Variants in HPCAL4 observed in about 807,000 individuals in gnomAD.
HPCAL4 encodes hippocalcin like 4, also known as hippocalcin-like protein 4.
HPCAL4 carries 16 observed loss-of-function variants against 18.2 expected under a neutral mutation model. The observed-to-expected ratio is 0.88, with a 90% confidence interval of 0.59 to 1.33. HPCAL4 has a LOEUF of 1.33. Ranked by LOEUF, HPCAL4 falls within the 40% of genes most tolerant of loss-of-function variation. HPCAL4 has a pLI of 0.00. For synonymous variants in HPCAL4, 80 were observed against 97.5 expected, an observed-to-expected ratio of 0.82 and a Z score of 1.06; for missense variants, 214 against 256.6, an observed-to-expected ratio of 0.83 and a Z score of 1.14.
At position 39,682,483 on chromosome 1, in the gene HPCAL4, G is replaced by A. The variant is rs949453209; in HGVS notation, c.*53C>T. 7 of 1,575,960 alleles carry A rather than the reference G, an allele frequency of 4.4e-6. No individual in the cohort carries two copies. In the African/African-American group the frequency reaches 9.4e-5, roughly 21 times the overall value. On this transcript the variant is annotated 3_prime_UTR_variant, in exon 4 of 4. Coordinates refer to ENST00000372844, the MANE Select transcript of HPCAL4 (RefSeq NM_016257.4). ...GGAGGCCAGCCAGAGAGGTCATCAG[G>A]TTGGGAGGTGGCCATGCCCCTTCTG...
intron 3 of HPCAL4, among the ~76,000 whole-genome samples, chr1:39,683,475 T>TAA (rs1304142191): frequency 2.0e-5 from 3 of 152,196 alleles, no homozygotes; most frequent in Non-Finnish European, 4.4e-5. Context: ...CCATCTTATA[T>TAA]AAAGTAACTT....
At position 39,680,803 on chromosome 1, in the gene HPCAL4, C is replaced by A. The variant is rs1279513082; in HGVS notation, c.*1733G>T. The stretch of plus-strand genomic sequence containing the variant: ...TCCAAGGGCCCAGTAGAGCTTGGGA[C>A]CAAGCTCTATTGATCAGCATCCCCC... On this transcript the variant is annotated 3_prime_UTR_variant, in exon 4 of 4. Coordinates refer to ENST00000372844, the MANE Select transcript of HPCAL4 (RefSeq NM_016257.4). 2 of 152,416 alleles carry A rather than the reference C, an allele frequency of 1.3e-5. No individual in the cohort carries two copies. The highest frequency in any genetic ancestry group is 2.9e-5 in the Non-Finnish European group (2 of 68,034). 9.4% of individuals were successfully genotyped at this position (152,416 alleles called of 1,614,324 possible).
At chr1:39,688,894 T>G (rs1232878949) in intron 1 of HPCAL4, among the ~76,000 whole-genome samples, 1 of 151,978 alleles carries the variant, frequency 6.6e-6, no homozygotes, top group Non-Finnish European at 1.5e-5. Flanking sequence ...CAGTGGAGAG[T>G]CAGCAGCCCA....
At chr1:39,687,146 C>A (rs1646682064) in intron 1 of HPCAL4, among the ~76,000 whole-genome samples, 1 of 152,214 alleles carries the variant, frequency 6.6e-6, no homozygotes, top group African/African-American at 2.4e-5. Flanking sequence ...CAACATCCTT[C>A]CCCACTCCCA....
At chr1:39,683,307 C>T (rs1012126000) in intron 3 of HPCAL4, among the ~76,000 whole-genome samples, 2 of 152,170 alleles carry the variant, frequency 1.3e-5, no homozygotes, top group Non-Finnish European at 2.9e-5. Context: ...TCCTATCACT[C>T]TCTCCCTCTC....
Position 39,684,065 on chromosome 1 carries a change from C to T in HPCAL4, c.250G>A (p.Glu84Lys). 2.5e-6 allele frequency: 4 copies of T among 1,614,034 alleles called. No individual in the cohort carries two copies. The highest frequency in any genetic ancestry group is 3.4e-6 in the Non-Finnish European group (4 of 1,179,920). ...GTGACCGACAGGGCGCAGATGAACT[C>T]CCGGAAGTCGATGGTGCCGTCGCCG... ...KNGDGTIDFR[E>K]FICALSVTSR... The change falls in exon 3 of 4, where the codon GAG becomes AAG. Residue 84 changes from glutamate to lysine, a missense_variant. Coordinates refer to ENST00000372844, the MANE Select transcript of HPCAL4 (RefSeq NM_016257.4).
At chr1:39,688,247 T>C (rs917226861) in intron 1 of HPCAL4, among the ~76,000 whole-genome samples, 3 of 152,098 alleles carry the variant, frequency 2.0e-5, no homozygotes, top group Non-Finnish European at 2.9e-5. Flanking sequence ...ACCCTAGGGG[T>C]GTCCACCAGC....
Position 39,681,023 on chromosome 1 carries a change from T to C in HPCAL4, c.*1513A>G, listed in dbSNP as rs1236118453. 1 of 152,618 alleles carries C rather than the reference T, an allele frequency of 6.6e-6. No individual in the cohort carries two copies. The highest frequency in any genetic ancestry group is 1.5e-5 in the Non-Finnish European group (1 of 68,036). The allele number at this position is 152,618 out of a possible 1,614,324, so 9.5% of individuals were successfully genotyped here. ...AGAGGAAATCAACTGTCACTGCACGTCAAAGGTAATTTCTGATCACAAGTA... is the reference window on the plus strand; with the variant it reads ...AGAGGAAATCAACTGTCACTGCACGCCAAAGGTAATTTCTGATCACAAGTA... On this transcript the variant is annotated 3_prime_UTR_variant, in exon 4 of 4. Coordinates refer to ENST00000372844, the MANE Select transcript of HPCAL4 (RefSeq NM_016257.4).
chr1:39,689,243 G>GT (rs1646700054), intron 1 of HPCAL4, among the ~76,000 whole-genome samples: 1 of 152,030 alleles, frequency 6.6e-6, no homozygotes, highest in East Asian at 1.9e-4. Flanking sequence ...TGAGAGCAGG[G>GT]GTTTTTTCTC....
rs1397414617 is a variant in HPCAL4 at position 39,679,437 on chromosome 1, A to T, written c.*3099T>A. Reference sequence around the variant, plus strand: ...AGAGATAAGAAATAAGATGCTCATCAATTAGCCCAAAAGGATGAATGAGGG... The same window carrying T: ...AGAGATAAGAAATAAGATGCTCATCTATTAGCCCAAAAGGATGAATGAGGG... On this transcript the variant is annotated 3_prime_UTR_variant, in exon 4 of 4. Transcript: ENST00000372844. The T allele has an allele frequency of 6.6e-6, 1 of 152,258 alleles. No homozygotes were observed. The highest frequency in any genetic ancestry group is 2.4e-5 in the African/African-American group (1 of 41,470). 9.4% of individuals were successfully genotyped at this position (152,258 alleles called of 1,614,324 possible).
rs1271885027 is a variant in HPCAL4 at position 39,681,143 on chromosome 1, A to G, written c.*1393T>C. On this transcript the variant is annotated 3_prime_UTR_variant, in exon 4 of 4. Transcript: ENST00000372844. ...ATGGATCCAAAATTGGGAAGCAGGCATTGGAAAGCAGAACCAGCACACTTG... is the reference window on the plus strand; with the variant it reads ...ATGGATCCAAAATTGGGAAGCAGGCGTTGGAAAGCAGAACCAGCACACTTG... The G allele has an allele frequency of 2.0e-5, 3 of 152,438 alleles. No homozygotes were observed. Among genetic ancestry groups the G allele is most frequent in the African/African-American group, 7.2e-5 (3 of 41,460 alleles). The allele number at this position is 152,438 out of a possible 1,614,324, so 9.4% of individuals were successfully genotyped here.
At chr1:39,683,258 C>A (rs1646643110) in intron 3 of HPCAL4, among the ~76,000 whole-genome samples, 1 of 152,142 alleles carries the variant, frequency 6.6e-6, no homozygotes, top group African/African-American at 2.4e-5. Context: ...TCCGTGGAGA[C>A]CTTACTGATG....
rs1397487527 is a variant in HPCAL4, at chr1:39,682,466, G to T, written c.*70C>A. On this transcript the variant is annotated 3_prime_UTR_variant, in exon 4 of 4. Coordinates refer to ENST00000372844, the MANE Select transcript of HPCAL4 (RefSeq NM_016257.4). ...GAGTGTCCCTCCTCCTGGGAGGCCAGCCAGAGAGGTCATCAGGTTGGGAGG... is the reference window on the plus strand; with the variant it reads ...GAGTGTCCCTCCTCCTGGGAGGCCATCCAGAGAGGTCATCAGGTTGGGAGG... The T allele has an allele frequency of 1.3e-6, 2 of 1,499,284 alleles. No homozygotes were observed. The highest frequency in any genetic ancestry group is 9.2e-7 in the Non-Finnish European group (1 of 1,082,520). The allele number at this position is 1,499,284 out of a possible 1,614,324, so 92.9% of individuals were successfully genotyped here. A position where few individuals can be genotyped will look rare whatever the true frequency, so the allele number is the denominator to read the frequency against.
At chr1:39,690,344 A>C (rs1646708626) in intron 1 of HPCAL4, among the ~76,000 whole-genome samples, 1 of 152,180 alleles carries the variant, frequency 6.6e-6, no homozygotes, top group Admixed American at 6.5e-5. Flanking sequence ...TTGGCTGTAC[A>C]AGATTTGAAC....
intron 2 of HPCAL4, 57 bp downstream of exon 2, chr1:39,684,385 C>T: frequency 3.3e-6 from 5 of 1,528,748 alleles, no homozygotes; most frequent in Non-Finnish European, 4.4e-6. Flanking sequence ...ACCCCCGGTT[C>T]CTCGCCTCCC....
intron 1 of HPCAL4, among the ~76,000 whole-genome samples, chr1:39,689,185 A>G (rs956976600): frequency 4.6e-5 from 7 of 152,028 alleles, no homozygotes; most frequent in African/African-American, 1.5e-4. Context: ...TTCCCTATGC[A>G]CTCACTTCTC....
chr1:39,684,509 T>C lies in HPCAL4; in HGVS notation c.95A>G (p.Lys32Arg). ...FSEQELKQWY[K>R]GFLKDCPSGI... ...GCTGGGGCAGTCCTTCAGGAAGCCC[T>C]TGTACCACTGCTTCAGCTCCTGCTC... Residue 32 changes from lysine (K) to arginine (R), a missense_variant, in exon 2 of 4, where the codon AAG (lysine) becomes AGG (arginine). Physicochemically the swap from Lys to Arg is conservative, Grantham distance 26. Transcript: ENST00000372844. The C allele has an allele frequency of 6.2e-7, 1 of 1,613,688 alleles. No individual in the cohort carries two copies. The highest frequency in any genetic ancestry group is 1.1e-5 in the South Asian group (1 of 91,014).
chr1:39,689,098 A>G (rs1479664123), intron 1 of HPCAL4, among the ~76,000 whole-genome samples: 2 of 152,116 alleles, frequency 1.3e-5, no homozygotes, highest in African/African-American at 4.8e-5. Context: ...ATCCCCTCCA[A>G]TATGCCCCAG....
In HPCAL4 at chr1:39,691,341, G is replaced by A. The variant is rs1646716547; in HGVS notation, c.-44C>T. 6.6e-6 allele frequency: 1 copy of A among 152,244 alleles called. No individual in the cohort carries two copies. Among genetic ancestry groups the A allele is most frequent in the South Asian group, 2.1e-4 (1 of 4,838 alleles). 9.4% of individuals were successfully genotyped at this position (152,244 alleles called of 1,614,324 possible). On this transcript the variant is annotated 5_prime_UTR_variant, in exon 1 of 4. Transcript: ENST00000372844. ...TCGCCGGGTCGCTGGATGGCTCCGAGCCTCGGCGGGCCGCGGGAACCGAGG... is the reference window on the plus strand; with the variant it reads ...TCGCCGGGTCGCTGGATGGCTCCGAACCTCGGCGGGCCGCGGGAACCGAGG...
Sources: gnomAD v4.1 joint callset for allele counts (sites outside exome capture counted in the v4.1 genomes callset) on GRCh38, gnomAD v4.1.1 for gene constraint, MANE v1.5 for transcripts, NCBI Gene and HGNC (gene_info 2026-07-23, HGNC 2026-07-21) for gene names.